The following MGAT4C variants were observed in gnomAD, a reference collection of about 807,000 sequenced individuals.
MGAT4C encodes the protein MGAT4 family member C.
A neutral mutation model predicts 40.1 loss-of-function variants in MGAT4C; 19 were observed. The ratio of observed to expected loss-of-function variants is 0.47; its 90% CI spans 0.33 to 0.70. The LOEUF is 0.70. Among genes scored for constraint, MGAT4C ranks in the 30% least tolerant of loss-of-function variants. The pLI, the probability that MGAT4C is intolerant of heterozygous loss-of-function variation, is 0.02. For missense variants in MGAT4C, 491 were observed against 563.2 expected (o/e 0.87, Z 1.30); for synonymous variants, 181 against 187.1 (o/e 0.97, Z 0.27).
Position 86,027,053 on chromosome 12 carries a change from A to C in MGAT4C, c.-7+22621T>G, listed in dbSNP as rs141335581. ...AGTAGGTCCACATTCTAAAAGGAAAAATAGTGACAACACATAACTACAATG... is the reference window on the plus strand; with the variant it reads ...AGTAGGTCCACATTCTAAAAGGAAACATAGTGACAACACATAACTACAATG... On this transcript the variant is annotated intron_variant, in intron 2 of 4. Transcript: ENST00000611864. 1.1e-3 allele frequency among the ~76,000 whole-genome samples: 167 copies of C among 152,162 alleles called. 1 individual carries two copies. Among genetic ancestry groups the C allele is most frequent in the Non-Finnish European group, 2.0e-3 (139 of 67,928 alleles).
intron 2 of MGAT4C, among the ~76,000 whole-genome samples, chr12:86,038,919 C>T (rs1342017383): frequency 6.7e-6 from 1 of 149,750 alleles, no homozygotes; most frequent in Non-Finnish European, 1.5e-5. Context: ...TCTTGTAAGG[C>T]AGGCCTGGTG....
intron 2 of MGAT4C, among the ~76,000 whole-genome samples, chr12:86,603,745 ATAT>A (rs1269919500): frequency 7.6e-6 from 1 of 131,786 alleles, no homozygotes; most frequent in Non-Finnish European, 1.6e-5. Context: ...TATATACTAT[ATAT>A]TATATATAAT....
At chr12:86,420,381 C>G (rs1956796986) in intron 3 of MGAT4C, among the ~76,000 whole-genome samples, 1 of 151,538 alleles carries the variant, frequency 6.6e-6, no homozygotes, top group African/African-American at 2.4e-5. Context: ...GATCCTGTCT[C>G]AAAAAGAAAA....
chr12:86,426,281 G>A (rs2136262869), intron 3 of MGAT4C, among the ~76,000 whole-genome samples: 1 of 152,182 alleles, frequency 6.6e-6, no homozygotes, highest in South Asian at 2.1e-4. Flanking sequence ...ACCTTACGCT[G>A]CCATTCGTTT....
upstream of MGAT4C, among the ~76,000 whole-genome samples, chr12:86,260,154 A>C (rs2465145): frequency 0.85 from 129,726 of 152,048 alleles, 55,407 homozygotes; most frequent in East Asian, 0.95. Context: ...TATATCAAAT[A>C]CTTATTAATA....
At chr12:86,266,665 A>G (rs1952794873) in intron 4 of MGAT4C, among the ~76,000 whole-genome samples, 1 of 152,124 alleles carries the variant, frequency 6.6e-6, no homozygotes, top group South Asian at 2.1e-4. Context: ...ATGAGTTAGA[A>G]AAAATTCCCT....
At chr12:86,404,136 T>A (rs2136238838) in intron 3 of MGAT4C, among the ~76,000 whole-genome samples, 1 of 152,242 alleles carries the variant, frequency 6.6e-6, no homozygotes, top group Admixed American at 6.5e-5. Flanking sequence ...TGAGCTTTGA[T>A]TGCACCACTG....
At chr12:86,441,387 G>A (rs981027401) in intron 2 of MGAT4C, among the ~76,000 whole-genome samples, 53 of 151,442 alleles carry the variant, frequency 3.5e-4, no homozygotes, top group African/African-American at 1.2e-3. Context: ...TAGGGTACAT[G>A]TGCACAACGT....
chr12:86,216,342 A>G (rs1950669873), intron 1 of MGAT4C, among the ~76,000 whole-genome samples: 1 of 152,216 alleles, frequency 6.6e-6, no homozygotes, highest in African/African-American at 2.4e-5. Context: ...AGAATAAAAG[A>G]TTACCACATC....
intron 1 of MGAT4C, among the ~76,000 whole-genome samples, chr12:86,126,367 T>C (rs898729734): frequency 5.9e-5 from 9 of 152,120 alleles, no homozygotes; most frequent in African/African-American, 2.2e-4. Context: ...AAGACTCCAG[T>C]GCATAACTTA....
chr12:85,986,254 C>T (rs1380578127), intron 3 of MGAT4C, among the ~76,000 whole-genome samples: 1 of 152,160 alleles, frequency 6.6e-6, no homozygotes, highest in African/African-American at 2.4e-5. Flanking sequence ...AGCTACTATG[C>T]TGTAGTATAT....
At chr12:86,763,131 T>A (rs1223487898) in intron 1 of MGAT4C, among the ~76,000 whole-genome samples, 1 of 152,208 alleles carries the variant, frequency 6.6e-6, no homozygotes, top group Non-Finnish European at 1.5e-5. Context: ...TTATTTTACT[T>A]GAAATCATAA....
At chr12:86,666,922 G>T (rs1438155597) in intron 2 of MGAT4C, among the ~76,000 whole-genome samples, 1 of 152,096 alleles carries the variant, frequency 6.6e-6, no homozygotes, top group Admixed American at 6.5e-5. Flanking sequence ...TAGTACTGAA[G>T]CCCAATGCTG....
intron 1 of MGAT4C, among the ~76,000 whole-genome samples, chr12:86,755,540 ATTTT>A (rs941256883): frequency 6.6e-6 from 1 of 151,232 alleles, no homozygotes; most frequent in African/African-American, 2.4e-5. Flanking sequence ...ATAGTGAATT[ATTTT>A]TTCTTTTCTT....
intron 2 of MGAT4C, chr12:86,727,145 A>G (rs1950834863): frequency 6.6e-6 from 1 of 152,136 alleles, no homozygotes; most frequent in African/African-American, 2.4e-5. Flanking sequence ...TAAGTGTTTA[A>G]AGCAAATAAA....
chr12:86,162,451 C>G (rs1885697951), intron 1 of MGAT4C, among the ~76,000 whole-genome samples: 1 of 152,044 alleles, frequency 6.6e-6, no homozygotes, highest in African/African-American at 2.4e-5. Context: ...ATTGGATACA[C>G]ATGGACATAA....
intron 1 of MGAT4C, among the ~76,000 whole-genome samples, chr12:86,135,866 G>C (rs1220440906): frequency 6.6e-6 from 1 of 152,128 alleles, no homozygotes; most frequent in Non-Finnish European, 1.5e-5. Flanking sequence ...GCTAAATTAC[G>C]ATGCATGTGA....
At chr12:86,451,459 C>G (rs1957424392) in intron 2 of MGAT4C, among the ~76,000 whole-genome samples, 1 of 152,074 alleles carries the variant, frequency 6.6e-6, no homozygotes, top group Non-Finnish European at 1.5e-5. Context: ...AAGCATTATG[C>G]CCTTCCTTTA....
At chr12:86,052,786 A>G (rs1006529327) in intron 1 of MGAT4C, among the ~76,000 whole-genome samples, 1 of 152,028 alleles carries the variant, frequency 6.6e-6, no homozygotes, top group Non-Finnish European at 1.5e-5. Flanking sequence ...CTTCACTGTC[A>G]AGAGAAACCT....
Sources: gnomAD v4.1 joint callset for allele counts (sites outside exome capture counted in the v4.1 genomes callset) on GRCh38, gnomAD v4.1.1 for gene constraint, MANE v1.5 for transcripts, NCBI Gene and HGNC (gene_info 2026-07-23, HGNC 2026-07-21) for gene names.